GRID2: variants seen among roughly 807,000 people sequenced by gnomAD.
GRID2 encodes the protein glutamate ionotropic receptor delta type subunit 2.
GRID2 carries 33 observed loss-of-function variants against 114.8 expected under a neutral mutation model. The observed-to-expected ratio is 0.29, with a 90% confidence interval of 0.22 to 0.38. The LOEUF is 0.38. Ranked by LOEUF, GRID2 falls within the 10% of genes least tolerant of loss-of-function variation. GRID2 has a pLI of 1.00. For missense variants in GRID2, 1,184 were observed against 1,257.7 expected (o/e 0.94, Z 0.89); for synonymous variants, 505 against 449.9 (o/e 1.12, Z -1.55).
At chr4:93,546,177 G>GA (rs1560737154) in intron 13 of GRID2, among the ~76,000 whole-genome samples, 1 of 152,116 alleles carries the variant, frequency 6.6e-6, no homozygotes, top group Non-Finnish European at 1.5e-5. Flanking sequence ...ATTGACATGG[G>GA]AAAAAATGGG....
intron 1 of GRID2, among the ~76,000 whole-genome samples, chr4:93,798,460 T>G (rs1649054887): frequency 6.6e-6 from 1 of 151,926 alleles, no homozygotes; most frequent in African/African-American, 2.4e-5. Context: ...GAACCCAGGA[T>G]CTTGGCACAA....
intron 2 of GRID2, among the ~76,000 whole-genome samples, chr4:92,757,026 A>G (rs1386970277): frequency 6.6e-6 from 1 of 152,050 alleles, no homozygotes; most frequent in Non-Finnish European, 1.5e-5. Flanking sequence ...ATCTTGGCCT[A>G]GACCAATATT....
chr4:92,893,410 G>C (rs772277074), intron 2 of GRID2, among the ~76,000 whole-genome samples: 3 of 152,114 alleles, frequency 2.0e-5, no homozygotes, highest in Non-Finnish European at 4.4e-5. Context: ...GAAATAGGAA[G>C]GTATCTGGAT....
chr4:92,723,373 C>T (rs1735904368), intron 2 of GRID2, among the ~76,000 whole-genome samples: 2 of 152,062 alleles, frequency 1.3e-5, no homozygotes, highest in Non-Finnish European at 1.5e-5. Context: ...AAAATTTGTC[C>T]ATCTGTCAAA....
At chr4:93,398,133 G>GTATATATATATATA (rs1553923238) in intron 9 of GRID2, among the ~76,000 whole-genome samples, 15 of 122,356 alleles carry the variant, frequency 1.2e-4, no homozygotes, top group African/African-American at 5.8e-4. Context: ...ATGTGTGTGT[G>GTATATATATATATA]TATATATATA....
At chr4:92,574,306 AT>A (rs1727778021) in intron 1 of GRID2, among the ~76,000 whole-genome samples, 1 of 150,802 alleles carries the variant, frequency 6.6e-6, no homozygotes, top group Non-Finnish European at 1.5e-5. Context: ...TAAGATTAGT[AT>A]TTTTATGTGT....
At chr4:92,496,856 T>C (rs1329973257) in intron 1 of GRID2, among the ~76,000 whole-genome samples, 1 of 151,692 alleles carries the variant, frequency 6.6e-6, no homozygotes, top group Non-Finnish European at 1.5e-5. Context: ...CCAGATATCT[T>C]TTTCCAGTGA....
intron 8 of GRID2, among the ~76,000 whole-genome samples, chr4:93,337,189 T>C (rs915643086): frequency 6.6e-6 from 1 of 152,212 alleles, no homozygotes; most frequent in African/African-American, 2.4e-5. Context: ...AATAATTTTT[T>C]TTCTTGATAA....
At chr4:93,008,504 A>G (rs1057349758) in intron 2 of GRID2, among the ~76,000 whole-genome samples, 2 of 151,998 alleles carry the variant, frequency 1.3e-5, no homozygotes, top group Non-Finnish European at 2.9e-5. Flanking sequence ...TTCTTTTCAA[A>G]ATGAATGTGT....
Position 93,608,684 on chromosome 4 carries a change from G to C in GRID2, c.2194-17585G>C, listed in dbSNP as rs1253263073. Among the ~76,000 whole-genome samples the C allele has an allele frequency of 1.5e-5, 2 of 137,544 alleles. 1 individual carries two copies. The highest frequency in any genetic ancestry group is 3.2e-5 in the Non-Finnish European group (2 of 61,824). The allele number at this position is 137,544 out of a possible 152,430, so 90.2% of individuals were successfully genotyped here. On this transcript the variant is annotated intron_variant, in intron 13 of 15. Transcript: ENST00000282020. The stretch of plus-strand genomic sequence containing the variant: ...GCATAGTATTCCATGGTGTATATGT[G>C]CCCCATTTTCTTAATCTAGTCTATC...
chr4:92,837,272 T>G (rs1742523210), intron 2 of GRID2, among the ~76,000 whole-genome samples: 1 of 152,070 alleles, frequency 6.6e-6, no homozygotes, highest in South Asian at 2.1e-4. Flanking sequence ...TTAAGAGGCC[T>G]GGGGATCCTT....
chr4:92,609,759 C>G (rs1469234842), intron 2 of GRID2, among the ~76,000 whole-genome samples: 1 of 151,458 alleles, frequency 6.6e-6, no homozygotes, highest in Non-Finnish European at 1.5e-5. Context: ...CCACTACTTG[C>G]AGTCACTTAT....
chr4:92,928,018 G>T (rs557783893), intron 2 of GRID2, among the ~76,000 whole-genome samples: 240 of 151,728 alleles, frequency 1.6e-3, no homozygotes, highest in African/African-American at 5.7e-3. Context: ...TGGGTTTTTG[G>T]ATTCAGGTTG....
intron 10 of GRID2, among the ~76,000 whole-genome samples, chr4:93,432,835 G>A (rs930883576): frequency 6.6e-6 from 1 of 152,118 alleles, no homozygotes; most frequent in African/African-American, 2.4e-5. Flanking sequence ...GCCAAGATGG[G>A]AGGATCCCTT....
At chr4:92,959,755 C>T (rs111254962) in intron 2 of GRID2, among the ~76,000 whole-genome samples, 2,246 of 152,050 alleles carry the variant, frequency 0.015, 20 homozygotes, top group East Asian at 0.053. Flanking sequence ...TATGCAGGAA[C>T]AGAAAATCAA....
At chr4:93,397,515 G>A (rs1765449567) in intron 9 of GRID2, among the ~76,000 whole-genome samples, 1 of 151,810 alleles carries the variant, frequency 6.6e-6, no homozygotes, top group South Asian at 2.1e-4. Context: ...ACCTCAGTCA[G>A]TTTTAAGCAA....
chr4:92,949,796 A>C (rs1751898879), intron 2 of GRID2, among the ~76,000 whole-genome samples: 1 of 151,884 alleles, frequency 6.6e-6, no homozygotes, highest in South Asian at 2.1e-4. Context: ...GCACTAAGGC[A>C]TGTTTTTCTG....
At chr4:92,752,603 T>A (rs1369148183) in intron 2 of GRID2, among the ~76,000 whole-genome samples, 1 of 152,194 alleles carries the variant, frequency 6.6e-6, no homozygotes, top group African/African-American at 2.4e-5. Context: ...TATTTTGATT[T>A]CAGTGGATTT....
At chr4:92,716,204 G>A (rs1039124031) in intron 2 of GRID2, among the ~76,000 whole-genome samples, 1 of 152,128 alleles carries the variant, frequency 6.6e-6, no homozygotes, top group Non-Finnish European at 1.5e-5. Context: ...TCCAATAATA[G>A]ATTTTAAGAT....
Sources: gnomAD v4.1 joint callset for allele counts (sites outside exome capture counted in the v4.1 genomes callset) on GRCh38, gnomAD v4.1.1 for gene constraint, MANE v1.5 for transcripts, NCBI Gene and HGNC (gene_info 2026-07-23, HGNC 2026-07-21) for gene names.